Variants in KCNK2 observed in about 807,000 individuals in gnomAD.
KCNK2 encodes potassium channel subfamily K member 2.
In KCNK2, 21 loss-of-function variants were observed where a neutral mutation model predicts 40.5. The observed-to-expected ratio is 0.52, with a 90% CI of 0.37 to 0.75. The LOEUF (loss-of-function observed/expected upper bound fraction) is 0.75. Among genes scored for constraint, KCNK2 ranks in the 30% least tolerant of loss-of-function variants. KCNK2 has a pLI of 0.00. For synonymous variants in KCNK2, 191 were observed against 202.2 expected (o/e 0.94, Z 0.47); for missense variants, 399 against 531.6 (o/e 0.75, Z 2.45).
intron 4 of KCNK2, 73 bp downstream of exon 4, chr1:215,169,432 C>A: frequency 8.5e-7 from 1 of 1,180,470 alleles, no homozygotes; most frequent in Non-Finnish European, 1.2e-6. Flanking sequence ...TTTTCTGTCA[C>A]CTCAGATACA....
chr1:215,044,795 ATGTGTG>A (rs150179184), intron 1 of KCNK2, among the ~76,000 whole-genome samples: 5 of 145,642 alleles, frequency 3.4e-5, no homozygotes, highest in African/African-American at 7.8e-5. Flanking sequence ...GGATAAGTGT[ATGTGTG>A]TGTGTGTGTG....
intron 1 of KCNK2, among the ~76,000 whole-genome samples, chr1:215,031,278 T>C (rs186435435): frequency 6.8e-4 from 104 of 152,298 alleles, no homozygotes; most frequent in African/African-American, 2.4e-3. Context: ...GGGATTTTGG[T>C]CAGGATGGCA....
chr1:215,116,318 C>G (rs557897291), intron 2 of KCNK2, among the ~76,000 whole-genome samples: 3 of 151,826 alleles, frequency 2.0e-5, no homozygotes, highest in African/African-American at 7.3e-5. Context: ...TTTTAGGAAC[C>G]GTGACTGATT....
At position 215,038,340 on chromosome 1, in the gene KCNK2, A is replaced by G. The variant is rs1038540242; in HGVS notation, c.34+32385A>G. Among the ~76,000 whole-genome samples the G allele has an allele frequency of 2.6e-5, 4 of 151,990 alleles. No individual in the cohort carries two copies. In the East Asian group the frequency reaches 7.7e-4, roughly 29 times the overall value. ...AAGGAAGTTCATGACTCTTTTGTTC[A>G]TGTCATCTAGGAAGGTCTTACTTGC... On this transcript the variant is annotated intron_variant, in intron 1 of 6. Coordinates refer to the KCNK2 transcript ENST00000391895.
At chr1:215,222,624 G>C (rs987444434) in intron 6 of KCNK2, among the ~76,000 whole-genome samples, 2 of 152,032 alleles carry the variant, frequency 1.3e-5, no homozygotes, top group African/African-American at 2.4e-5. Context: ...AAAAAAAGCA[G>C]GTTAGGTTAA....
At chr1:215,201,571 G>T (rs1340754600) in intron 6 of KCNK2, among the ~76,000 whole-genome samples, 5 of 152,178 alleles carry the variant, frequency 3.3e-5, no homozygotes. Context: ...TTAGGAATTA[G>T]AATTATTTAA....
In KCNK2 at chr1:215,083,208, C is replaced by CA; in HGVS notation, c.-178_-177insA. On this transcript the variant is annotated 5_prime_UTR_variant, in exon 1 of 7. Coordinates refer to ENST00000444842, the MANE Select transcript of KCNK2 (RefSeq NM_001017425.3). ...TCTTCTCACGCTCCCCCCCCCGCCC[C>CA]CTCCCGCGTCCAGCCCCGCTCTCCC... 2 of 1,135,102 alleles carry CA rather than the reference C, an allele frequency of 1.8e-6. No homozygotes were observed. The highest frequency in any genetic ancestry group is 2.5e-6 in the Non-Finnish European group (2 of 803,972). The allele number at this position is 1,135,102 out of a possible 1,614,324, so 70.3% of individuals were successfully genotyped here.
At chr1:215,058,248 T>C (rs912347771) in intron 1 of KCNK2, among the ~76,000 whole-genome samples, 2 of 152,196 alleles carry the variant, frequency 1.3e-5, no homozygotes, top group African/African-American at 4.8e-5. Context: ...CTCCTCATGT[T>C]TGTGACTTTT....
At chr1:215,169,646 T>TC (rs1663608949) in intron 4 of KCNK2, among the ~76,000 whole-genome samples, 1 of 151,214 alleles carries the variant, frequency 6.6e-6, no homozygotes, top group Non-Finnish European at 1.5e-5. Flanking sequence ...TTTCTTTCTT[T>TC]TTTTTTTTGA....
chr1:215,186,474 C>T lies in KCNK2; in HGVS notation c.824-8479C>T, dbSNP rs76351747. Among the ~76,000 whole-genome samples the T allele has an allele frequency of 2.6e-3, 399 of 152,178 alleles. 5 individuals carry two copies. Among genetic ancestry groups the T allele is most frequent in the African/African-American group, 9.2e-3 (381 of 41,496 alleles). On this transcript the variant is annotated intron_variant, in intron 5 of 6. Coordinates refer to ENST00000444842, the MANE Select transcript of KCNK2 (RefSeq NM_001017425.3). ...TTCTTCACTTTTTATTTTTATATAT[C>T]GTAATACTTATGATATAGTAGAGCA...
At chr1:215,155,972 A>G (rs2102618172) in intron 3 of KCNK2, among the ~76,000 whole-genome samples, 1 of 152,266 alleles carries the variant, frequency 6.6e-6, no homozygotes, top group Non-Finnish European at 1.5e-5. Context: ...TCCATTAGTT[A>G]ATAAGGAAGT....
chr1:215,154,908 T>A (rs1468662454), intron 3 of KCNK2, among the ~76,000 whole-genome samples: 1 of 152,208 alleles, frequency 6.6e-6, no homozygotes, highest in African/African-American at 2.4e-5. Flanking sequence ...GTGCTATTTC[T>A]GAGGTCTCTA....
rs187784721 is a variant in KCNK2 at position 215,160,920 on chromosome 1, C to T, written c.476-8279C>T. Among the ~76,000 whole-genome samples the T allele has an allele frequency of 3.9e-5, 6 of 152,250 alleles. No individual in the cohort carries two copies. The East Asian group carries it at 1.2e-3, about 29-fold the overall frequency. ...CTCTGGGCATATCAAAATCAACCTACTCCAAATTTGTTATCTTTCTTACCT... is the reference window on the plus strand; with the variant it reads ...CTCTGGGCATATCAAAATCAACCTATTCCAAATTTGTTATCTTTCTTACCT... On this transcript the variant is annotated intron_variant, in intron 3 of 6. Transcript: ENST00000444842.
At chr1:215,007,185 G>GTATATATATATA (rs1162302568) in intron 1 of KCNK2, among the ~76,000 whole-genome samples, 11 of 31,028 alleles carry the variant, frequency 3.5e-4, no homozygotes, top group African/African-American at 7.3e-4. Flanking sequence ...ATGTGTGTGG[G>GTATATATATATA]TATATATATA....
At chr1:215,157,003 A>G (rs951133779) in intron 3 of KCNK2, among the ~76,000 whole-genome samples, 1 of 152,118 alleles carries the variant, frequency 6.6e-6, no homozygotes, top group African/African-American at 2.4e-5. Context: ...GTGAGCCGAG[A>G]TTGCACCATT....
intron 3 of KCNK2, among the ~76,000 whole-genome samples, chr1:215,157,741 T>A (rs1302275128): frequency 6.6e-6 from 1 of 152,168 alleles, no homozygotes; most frequent in Admixed American, 6.5e-5. Flanking sequence ...ATATTAATAT[T>A]TTAGAAAGCT....
chr1:215,017,602 G>C (rs1656636712), intron 1 of KCNK2, among the ~76,000 whole-genome samples: 1 of 152,096 alleles, frequency 6.6e-6, no homozygotes, highest in Non-Finnish European at 1.5e-5. Context: ...GAAGATTAGA[G>C]AGATGTTGGT....
At chr1:215,136,719 A>G (rs892261933) in intron 3 of KCNK2, among the ~76,000 whole-genome samples, 13 of 152,156 alleles carry the variant, frequency 8.5e-5, no homozygotes, top group Non-Finnish European at 5.9e-5. Flanking sequence ...CACATTGAAC[A>G]CCGGCTGATA....
At chr1:215,124,107 G>C (rs1200104716) in intron 2 of KCNK2, among the ~76,000 whole-genome samples, 3 of 152,124 alleles carry the variant, frequency 2.0e-5, no homozygotes, top group African/African-American at 7.2e-5. Flanking sequence ...GTGAAGTCCT[G>C]TTGCCTTTTC....
Sources: gnomAD v4.1 joint callset for allele counts (sites outside exome capture counted in the v4.1 genomes callset) on GRCh38, gnomAD v4.1.1 for gene constraint, MANE v1.5 for transcripts, NCBI Gene and HGNC (gene_info 2026-07-23, HGNC 2026-07-21) for gene names.